Variants in BYSL observed in about 807,000 individuals in gnomAD.
The protein encoded by BYSL is bystin.
BYSL carries 21 observed loss-of-function variants against 45.4 expected under a neutral mutation model. The ratio of observed to expected loss-of-function variants is 0.46; its 90% confidence interval spans 0.33 to 0.67. The LOEUF is 0.67. BYSL is among the 30% of genes least tolerant of loss of function. BYSL has a pLI of 0.02. For synonymous variants in BYSL, 215 were observed against 231.3 expected (o/e 0.93, Z 0.64); for missense variants, 522 against 578.5 (o/e 0.90, Z 1.00).
Position 41,932,599 on chromosome 6 carries a change from G to A in BYSL, c.1207G>A (p.Glu403Lys). ...CACAGACCAGAAAGAGGCCCTCTTA[G>A]AACTGCTCCGGCTGCAGCCCCATCC... ...LATDQKEALL[E>K]LLRLQPHPQL... Residue 403 changes from glutamate (E) to lysine (K), a missense_variant, in exon 7 of 7, where the codon GAA becomes AAA. Glu to Lys is a moderately conservative substitution (Grantham distance 56, BLOSUM62 1). Coordinates refer to ENST00000230340, the MANE Select transcript of BYSL (RefSeq NM_004053.4). The surrounding 1 kb of genome is among the most constrained non-coding windows in gnomAD (Gnocchi z 4.7). 6.2e-7 allele frequency: 1 copy of A among 1,614,186 alleles called. No homozygotes were observed. Among genetic ancestry groups the A allele is most frequent in the Non-Finnish European group, 8.5e-7 (1 of 1,180,044 alleles).
rs887368609 is a variant in BYSL at position 41,921,806 on chromosome 6, C to T, written c.244C>T (p.Pro82Ser). ...EHGTGDKPAA[P>S]RERTTRLGPR... ...TGGGACTGGGGACAAGCCCGCGGCG[C>T]CGCGGGAACGCACCACGCGGCTGGG... The change falls in exon 1 of 7, where the codon CCG becomes TCG. Residue 82 changes from proline to serine, a missense_variant. By Grantham distance (74) the Pro-to-Ser change is moderately conservative. Transcript: ENST00000230340. The T allele has an allele frequency of 4.3e-6, 7 of 1,611,744 alleles. No homozygotes were observed. The African/African-American group carries it at 9.4e-5, about 22-fold the overall frequency.
chr6:41,911,325 A>AT, the BYSL span, among the ~76,000 whole-genome samples: 1 of 151,458 alleles, frequency 6.6e-6, no homozygotes, highest in Non-Finnish European at 1.5e-5. Context: ...TAATTTTTGT[A>AT]TTTTTAGTAG....
chr6:41,917,973 C>A, upstream of BYSL: 4 of 263,322 alleles, frequency 1.5e-5, no homozygotes, highest in Non-Finnish European at 2.6e-5. Flanking sequence ...GAATGAGAGG[C>A]AACAGTATTC....
chr6:41,923,441 C>T (rs568573539), intron 1 of BYSL, among the ~76,000 whole-genome samples: 1 of 152,046 alleles, frequency 6.6e-6, no homozygotes, highest in Non-Finnish European at 1.5e-5. Flanking sequence ...AGATTACAGG[C>T]GTGAGCCATC....
the BYSL span, among the ~76,000 whole-genome samples, chr6:41,911,666 AGT>A: frequency 6.6e-6 from 1 of 152,146 alleles, no homozygotes; most frequent in African/African-American, 2.4e-5. Flanking sequence ...CGGGGGTAAG[AGT>A]GTGCAACTGA....
the BYSL span, among the ~76,000 whole-genome samples, chr6:41,915,801 C>CACACACACACACACACACACAT: frequency 6.6e-6 from 1 of 151,842 alleles, no homozygotes; most frequent in Non-Finnish European, 1.5e-5. Flanking sequence ...CACACACACA[C>CACACACACACACACACACACAT]ATAAATACTC....
Position 41,931,512 on chromosome 6 carries a change from T to G in BYSL, c.821T>G (p.Met274Arg). The G allele has an allele frequency of 3.1e-6, 5 of 1,614,238 alleles. No homozygotes were observed. The highest frequency in any genetic ancestry group is 4.2e-6 in the Non-Finnish European group (5 of 1,180,054). ...AAACGACTCAACTTCCATCTCTACA[T>G]GGCTCTCAAGAAGGCCCTTTTCAAA... ...EYKRLNFHLY[M>R]ALKKALFKPG... Residue 274 changes from methionine (M) to arginine (R), a missense_variant, in exon 5 of 7, where the codon ATG (methionine) becomes AGG (arginine). Met to Arg is a moderately conservative substitution (Grantham distance 91). Coordinates refer to ENST00000230340, the MANE Select transcript of BYSL (RefSeq NM_004053.4).
chr6:41,916,722 TAACTC>T, upstream of BYSL: 1 of 1,578,794 alleles, frequency 6.3e-7, no homozygotes. Flanking sequence ...AGACTTCAAT[TAACTC>T]AAATGTCTCT....
At position 41,931,071 on chromosome 6, in the gene BYSL, C is replaced by G. The variant is rs147788768; in HGVS notation, c.704+303C>G. Reference sequence around the variant, plus strand: ...CTTTTATAGCCACTGGGATACAACCCTGTAGCAGGACCCTCAGAAGTCTGT... The same window carrying G: ...CTTTTATAGCCACTGGGATACAACCGTGTAGCAGGACCCTCAGAAGTCTGT... On this transcript the variant is annotated intron_variant, in intron 4 of 6. Transcript: ENST00000230340. 3.1e-4 allele frequency among the ~76,000 whole-genome samples: 28 copies of G among 89,188 alleles called. No homozygotes were observed. In the East Asian group the frequency reaches 6.9e-3, roughly 22 times the overall value. 58.5% of individuals were successfully genotyped at this position (89,188 alleles called of 152,430 possible). A position where few individuals can be genotyped will look rare whatever the true frequency, so the allele number is the denominator to read the frequency against.
At chr6:41,909,049 G>C in the BYSL span, 1 of 588,050 alleles carries the variant, frequency 1.7e-6, no homozygotes, top group Non-Finnish European at 2.9e-6. Context: ...AATTCGGTGG[G>C]TGTAGTCCCA....
At chr6:41,910,371 C>T in the BYSL span, among the ~76,000 whole-genome samples, 1 of 152,178 alleles carries the variant, frequency 6.6e-6, no homozygotes, top group African/African-American at 2.4e-5. Context: ...GTGGCTCCCA[C>T]CCGTAATCCC....
At chr6:41,909,362 A>T in the BYSL span, 2 of 1,614,074 alleles carry the variant, frequency 1.2e-6, no homozygotes, top group South Asian at 1.1e-5. Flanking sequence ...CCCGGGTCTC[A>T]ATCTTGCTGG....
At position 41,930,262 on chromosome 6, in the gene BYSL, G is replaced by T. The variant is rs150414779; in HGVS notation, c.562G>T (p.Val188Phe). The stretch of plus-strand genomic sequence containing the variant: ...CCGGGTCCTAGAAGTGTACAGGGGG[G>T]TCCGGGAGGTAAGAGCTGAGAGGGG... ...DPRVLEVYRGVREVLSKYRSG... is the reference protein window; with the variant it reads ...DPRVLEVYRGFREVLSKYRSG... Residue 188 changes from valine to phenylalanine, a missense_variant, in exon 3 of 7, where the codon GTC (valine) becomes TTC (phenylalanine). Coordinates refer to ENST00000230340, the MANE Select transcript of BYSL (RefSeq NM_004053.4). 1 of 1,613,748 alleles carries T rather than the reference G, an allele frequency of 6.2e-7. No homozygotes were observed. The highest frequency in any genetic ancestry group is 1.3e-5 in the African/African-American group (1 of 75,048).
chr6:41,910,568 G>T, the BYSL span, among the ~76,000 whole-genome samples: 2 of 150,822 alleles, frequency 1.3e-5, no homozygotes, highest in African/African-American at 4.9e-5. Flanking sequence ...GGAGGCAGAG[G>T]TTGCAGTGAG....
At chr6:41,926,918 AC>A (rs1775571914) in intron 1 of BYSL, among the ~76,000 whole-genome samples, 1 of 148,016 alleles carries the variant, frequency 6.8e-6, no homozygotes, top group African/African-American at 2.5e-5. Context: ...ACATGGTGAA[AC>A]CCCAACTCTA....
chr6:41,921,977 C>T, intron 1 of BYSL, 147 bp downstream of exon 1: 1 of 1,226,150 alleles, frequency 8.2e-7, no homozygotes, highest in South Asian at 1.6e-5. Context: ...CTGTCTAGAG[C>T]CCTCCGCGTC....
chr6:41,932,635 C>A lies in BYSL; in HGVS notation c.1243C>A (p.Pro415Thr), dbSNP rs1460496523. The change falls in exon 7 of 7, where the codon CCC (proline) becomes ACC (threonine). Residue 415 changes from proline (P) to threonine (T), a missense_variant. Pro to Thr is a conservative substitution (Grantham distance 38). Coordinates refer to ENST00000230340, the MANE Select transcript of BYSL (RefSeq NM_004053.4). This position sits in a 1 kb window ranked among gnomAD's most constrained non-coding sequence, Gnocchi z 4.7. ...GCTGCAGCCCCATCCACAGCTATCG[C>A]CCGAAATCAGGCGTGAGCTTCAGAG... ...LRLQPHPQLS[P>T]EIRRELQSAV... The A allele has an allele frequency of 1.2e-6, 2 of 1,614,102 alleles. No individual in the cohort carries two copies. The highest frequency in any genetic ancestry group is 2.7e-5 in the African/African-American group (2 of 74,942).
intron 4 of BYSL, among the ~76,000 whole-genome samples, 184 bp from the exon 5 acceptor site, chr6:41,931,212 C>T (rs1479777523): frequency 4.6e-5 from 7 of 152,160 alleles, no homozygotes; most frequent in Non-Finnish European, 1.0e-4. Flanking sequence ...TCTCATTGCC[C>T]CTCCTATTCT....
At position 41,921,589 on chromosome 6, in the gene BYSL, G is replaced by A. The variant is rs761419679; in HGVS notation, c.27G>A (p.Gly9=). The A allele has an allele frequency of 6.3e-7, 1 of 1,595,390 alleles. No individual in the cohort carries two copies. The highest frequency in any genetic ancestry group is 8.6e-7 in the Non-Finnish European group (1 of 1,168,454). Residue 9 remains glycine, a synonymous_variant, in exon 1 of 7, where the codon GGG becomes GGA. Coordinates refer to ENST00000230340, the MANE Select transcript of BYSL (RefSeq NM_004053.4). ...TGCCCAAATTCAAGGCGGCCCGTGG[G>A]GTGGGGGGTCAGGAAAAACATGCGC... MPKFKAAR[G]VGGQEKHAPL...
Sources: gnomAD v4.1 joint callset for allele counts (sites outside exome capture counted in the v4.1 genomes callset) on GRCh38, gnomAD v4.1.1 for gene constraint, Gnocchi (gnomAD v3.1) non-coding constraint, MANE v1.5 for transcripts, NCBI Gene and HGNC (gene_info 2026-07-23, HGNC 2026-07-21) for gene names.